ATP10B: variants seen among roughly 807,000 people sequenced by gnomAD.
ATP10B encodes phospholipid-transporting ATPase VB.
Under a neutral mutation model 141.2 loss-of-function variants are expected in ATP10B, and 122 were observed. The ratio of observed to expected loss-of-function variants is 0.86; its 90% CI spans 0.75 to 1.00. The LOEUF is 1.00. ATP10B is among the 50% of genes least tolerant of loss of function. The pLI, the probability that ATP10B is intolerant of heterozygous loss-of-function variation, is 0.00. For missense variants in ATP10B, 1,876 were observed against 1,825.3 expected (o/e 1.03, Z -0.51); for synonymous variants, 685 against 692.0 (o/e 0.99, Z 0.16).
intron 22 of ATP10B, among the ~76,000 whole-genome samples, chr5:160,596,949 G>C (rs1285107722): frequency 6.6e-6 from 1 of 152,072 alleles, no homozygotes; most frequent in African/African-American, 2.4e-5. Context: ...AATCAATATT[G>C]TGAAAATGGC....
chr5:160,569,881 C>T (rs996824527), intron 24 of ATP10B, among the ~76,000 whole-genome samples, 198 bp from the exon 25 acceptor site: 2 of 152,158 alleles, frequency 1.3e-5, no homozygotes, highest in African/African-American at 4.8e-5. Context: ...ACACATACCC[C>T]AGAAGACCCT....
Position 160,569,512 on chromosome 5 carries a change from C to T in ATP10B, c.3922G>A (p.Val1308Ile), listed in dbSNP as rs1454126585. 1 of 1,613,846 alleles carries T rather than the reference C, an allele frequency of 6.2e-7. No homozygotes were observed. Among genetic ancestry groups the T allele is most frequent in the Middle Eastern group, 1.7e-4 (1 of 6,056 alleles). Residue 1308 changes from valine (V) to isoleucine (I), a missense_variant, in exon 25 of 26, where the codon GTT becomes ATT. Physicochemically the swap from Val to Ile is conservative, Grantham distance 29 (BLOSUM62 3). Coordinates refer to ENST00000327245, the MANE Select transcript of ATP10B (RefSeq NM_025153.3). Reference sequence around the variant, plus strand: ...TGCTCAAACCTTGGGAGAAGAGCAACAACTGGTGTGAGAAAGCAGACGAGG... The same window carrying T: ...TGCTCAAACCTTGGGAGAAGAGCAATAACTGGTGTGAGAAAGCAGACGAGG... The part of the protein sequence containing the change: ...FYLVCFLTPV[V>I]ALLPRYFFLS...
At chr5:160,578,901 T>C (rs1003194943) in intron 24 of ATP10B, among the ~76,000 whole-genome samples, 20 of 152,228 alleles carry the variant, frequency 1.3e-4, no homozygotes, top group African/African-American at 4.1e-4. Flanking sequence ...TGGTATTTCA[T>C]TGTGGTTTTG....
At chr5:160,860,813 T>C in the ATP10B span, among the ~76,000 whole-genome samples, 1 of 151,966 alleles carries the variant, frequency 6.6e-6, no homozygotes, top group Non-Finnish European at 1.5e-5. Flanking sequence ...AGATTTCTCA[T>C]GAGAATGAAG....
In ATP10B at chr5:160,805,865, G is replaced by A. The variant is rs193171268; in HGVS notation, c.-575-20062C>T. ...ATATTTATATTTACTATAAGGAATC[G>A]GCTCACACAATGATGGAGGCCAAGA... On this transcript the variant is annotated intron_variant, in intron 1 of 25. Transcript: ENST00000327245. Among the ~76,000 whole-genome samples, 190 of 152,220 alleles carry A rather than the reference G, an allele frequency of 1.2e-3. 1 individual carries two copies. Among genetic ancestry groups the A allele is most frequent in the African/African-American group, 3.8e-3 (158 of 41,518 alleles).
intron 1 of ATP10B, among the ~76,000 whole-genome samples, chr5:160,817,413 A>C (rs1383409545): frequency 1.3e-5 from 2 of 152,214 alleles, no homozygotes; most frequent in Non-Finnish European, 2.9e-5. Context: ...TGCTTCAAAG[A>C]GAATAAAATA....
intron 18 of ATP10B, chr5:160,612,445 T>C: frequency 4.4e-6 from 1 of 229,784 alleles, no homozygotes; most frequent in Non-Finnish European, 8.5e-6. Flanking sequence ...AGTTTCCTTA[T>C]CTGTGGGGAA....
intron 23 of ATP10B, among the ~76,000 whole-genome samples, chr5:160,589,955 T>C (rs914091162): frequency 1.3e-5 from 2 of 152,150 alleles, no homozygotes; most frequent in Non-Finnish European, 2.9e-5. Flanking sequence ...ACAGAATTCA[T>C]TGAGAGCCCA....
the ATP10B span, among the ~76,000 whole-genome samples, chr5:160,877,086 G>T: frequency 6.6e-6 from 1 of 152,214 alleles, no homozygotes; most frequent in African/African-American, 2.4e-5. Context: ...AACCAAAAAA[G>T]AGAATTTTAG....
At chr5:160,913,523 G>A in the ATP10B span, among the ~76,000 whole-genome samples, 4 of 152,104 alleles carry the variant, frequency 2.6e-5, no homozygotes, top group Non-Finnish European at 4.4e-5. Context: ...CCCTGAGCTC[G>A]TTATCCCGTC....
chr5:160,615,348 G>T (rs919291239), intron 17 of ATP10B, among the ~76,000 whole-genome samples: 1 of 151,496 alleles, frequency 6.6e-6, no homozygotes, highest in East Asian at 1.9e-4. Flanking sequence ...TCACCCCTGT[G>T]CTAGGCTGGC....
intron 22 of ATP10B, among the ~76,000 whole-genome samples, chr5:160,594,413 A>G (rs934844190): frequency 0.034 from 5,239 of 152,254 alleles, 174 homozygotes; most frequent in African/African-American, 0.087. Flanking sequence ...AGGAACAACC[A>G]GTACCAGCCA....
intron 1 of ATP10B, among the ~76,000 whole-genome samples, chr5:160,814,368 T>G (rs1232205964): frequency 6.6e-6 from 1 of 152,108 alleles, no homozygotes; most frequent in Admixed American, 6.5e-5. Context: ...TTCGATCAAC[T>G]GGAAGAAAGG....
the ATP10B span, among the ~76,000 whole-genome samples, chr5:160,867,048 G>C: frequency 6.6e-6 from 1 of 152,126 alleles, no homozygotes; most frequent in Non-Finnish European, 1.5e-5. Flanking sequence ...GTTCCATCAT[G>C]TACTAGCTAT....
At chr5:160,672,158 G>C (rs371151426) in intron 6 of ATP10B, among the ~76,000 whole-genome samples, 1 of 151,724 alleles carries the variant, frequency 6.6e-6, no homozygotes, top group Non-Finnish European at 1.5e-5. Flanking sequence ...TGTATTTTTA[G>C]TAGAGATGGG....
chr5:160,595,820 C>T (rs1179591276), intron 22 of ATP10B, among the ~76,000 whole-genome samples: 1 of 151,030 alleles, frequency 6.6e-6, no homozygotes, highest in African/African-American at 2.4e-5. Flanking sequence ...TCGACACATA[C>T]ACCCTCCCAA....
chr5:160,593,746 G>C lies in ATP10B; in HGVS notation c.3565-2607C>G, dbSNP rs554672151. 7.2e-5 allele frequency among the ~76,000 whole-genome samples: 11 copies of C among 152,318 alleles called. No homozygotes were observed. In the South Asian group the frequency reaches 2.1e-3, roughly 29 times the overall value. On this transcript the variant is annotated intron_variant, in intron 22 of 25. Transcript: ENST00000327245. ...CTGATGGAGCTGAAAGCCAAGGCTC[G>C]AGAACTACGTGAAGAATGCAGAAGC...
At position 160,686,238 on chromosome 5, in the gene ATP10B, A is replaced by G; in HGVS notation, c.311T>C (p.Leu104Ser). The G allele has an allele frequency of 1.9e-6, 3 of 1,607,192 alleles. No homozygotes were observed. The highest frequency in any genetic ancestry group is 1.7e-6 in the Non-Finnish European group (2 of 1,175,034). ...GACTTCCATGGAGGGCATCCAGTTCAAAATCACCAGGAACAGGAAATAGAG... is the reference window on the plus strand; with the variant it reads ...GACTTCCATGGAGGGCATCCAGTTCGAAATCACCAGGAACAGGAAATAGAG... ...ANLYFLFLVI[L>S]NWMPSMEVFH... The change falls in exon 6 of 26, where the codon TTG (leucine) becomes TCG (serine). Residue 104 changes from leucine (L) to serine (S), a missense_variant. Physicochemically the swap from Leu to Ser is moderately radical, Grantham distance 145 (BLOSUM62 -2). Coordinates refer to ENST00000327245, the MANE Select transcript of ATP10B (RefSeq NM_025153.3).
intron 2 of ATP10B, among the ~76,000 whole-genome samples, chr5:160,742,847 GGTATGAT>G (rs1349249961): frequency 6.6e-6 from 1 of 152,014 alleles, no homozygotes; most frequent in Non-Finnish European, 1.5e-5. Context: ...GTGATTGAAA[GGTATGAT>G]GAAATAAGTT....
Sources: gnomAD v4.1 joint callset for allele counts (sites outside exome capture counted in the v4.1 genomes callset) on GRCh38, gnomAD v4.1.1 for gene constraint, MANE v1.5 for transcripts, NCBI Gene and HGNC (gene_info 2026-07-23, HGNC 2026-07-21) for gene names.